NEK1: variants seen among roughly 807,000 people sequenced by gnomAD.
NEK1 encodes NIMA related kinase 1.
NEK1 carries 137 observed loss-of-function variants against 182.1 expected under a neutral mutation model. The ratio of observed to expected loss-of-function variants is 0.75; its 90% CI spans 0.65 to 0.87. NEK1 has a LOEUF of 0.87. Ranked by LOEUF, NEK1 falls within the 40% of genes least tolerant of loss-of-function variation. NEK1 has a pLI of 0.00. For synonymous variants in NEK1, 513 were observed against 492.2 expected (o/e 1.04, Z -0.56); for missense variants, 1,391 against 1,494.4 (o/e 0.93, Z 1.14).
At chr4:169,551,728 A>C (rs1761450621) in intron 18 of NEK1, among the ~76,000 whole-genome samples, 1 of 152,120 alleles carries the variant, frequency 6.6e-6, no homozygotes, top group African/African-American at 2.4e-5. Flanking sequence ...CCTGTTTCCT[A>C]ACACTCTCCT....
In NEK1 at chr4:169,507,067, A is replaced by AT. The variant is rs1753397605; in HGVS notation, c.1976dup (p.Tyr659Ter). The stretch of plus-strand genomic sequence containing the variant: ...CTTCCCACACTTTTTTTTCTCTCTC[A>AT]TAAGCCTCCTTTCTCTTTCGTTCTA... ...EQLERKRKEA[Y>*]EREKKVWEEH... Residue 659 changes from tyrosine to a stop codon, truncating the protein, a stop_gained and frameshift_variant, in exon 23 of 36, where the codon TAT becomes TAAT. Transcript: ENST00000507142. LOFTEE classifies it high-confidence loss of function. 1.2e-6 allele frequency: 2 copies of AT among 1,609,678 alleles called. No individual in the cohort carries two copies. Among genetic ancestry groups the AT allele is most frequent in the Non-Finnish European group, 1.7e-6 (2 of 1,178,018 alleles).
At chr4:169,506,935 G>GA (rs11335571) in intron 23 of NEK1, 102 bp downstream of exon 23, 7,467 of 584,882 alleles carry the variant, frequency 0.013, no homozygotes, top group South Asian at 0.018. Context: ...TGAAAAAACA[G>GA]AAAAAAAAAA....
At chr4:169,453,763 G>A (rs1030417641) in intron 27 of NEK1, among the ~76,000 whole-genome samples, 1 of 152,202 alleles carries the variant, frequency 6.6e-6, no homozygotes, top group Non-Finnish European at 1.5e-5. Flanking sequence ...CAATGCTAAT[G>A]ACTGGCTTAC....
intron 26 of NEK1, among the ~76,000 whole-genome samples, chr4:169,463,885 G>C (rs1744442850): frequency 6.6e-6 from 1 of 152,038 alleles, no homozygotes; most frequent in Non-Finnish European, 1.5e-5. Context: ...CTCCCACCTT[G>C]GCTTCCCAAA....
chr4:169,526,930 T>C lies in NEK1; in HGVS notation c.1665+10879A>G, dbSNP rs1756975617. Among the ~76,000 whole-genome samples, 3 of 152,180 alleles carry C rather than the reference T, an allele frequency of 2.0e-5. No homozygotes were observed. The South Asian group carries it at 6.2e-4, about 31-fold the overall frequency. ...AATAATGGCTTAAAACATGACAAGT[T>C]TGGTGTAATCCATAACCTTGTAAAT... On this transcript the variant is annotated intron_variant, in intron 19 of 35. Transcript: ENST00000507142.
chr4:169,476,652 A>G (rs754732549), intron 26 of NEK1, among the ~76,000 whole-genome samples: 1 of 152,096 alleles, frequency 6.6e-6, no homozygotes, highest in African/African-American at 2.4e-5. Context: ...TTTTGTTCCT[A>G]TATCTCCAAT....
chr4:169,476,249 T>A (rs1190260957), intron 26 of NEK1, among the ~76,000 whole-genome samples: 1 of 152,020 alleles, frequency 6.6e-6, no homozygotes, highest in African/African-American at 2.4e-5. Context: ...GGGAGGTGAC[T>A]GGATCATGGG....
intron 26 of NEK1, among the ~76,000 whole-genome samples, chr4:169,475,757 A>G (rs1296339373): frequency 6.6e-6 from 1 of 152,162 alleles, no homozygotes; most frequent in African/African-American, 2.4e-5. Context: ...CATGGCAGAT[A>G]GAAAAACAAC....
chr4:169,563,369 AAAAAT>A (rs1444570314), intron 12 of NEK1, among the ~76,000 whole-genome samples: 3 of 150,698 alleles, frequency 2.0e-5, no homozygotes, highest in Non-Finnish European at 4.4e-5. Context: ...AAAAAAAAAT[AAAAAT>A]AAAAAAATCA....
intron 29 of NEK1, among the ~76,000 whole-genome samples, chr4:169,426,645 A>G (rs1407099049): frequency 6.6e-6 from 1 of 152,250 alleles, no homozygotes; most frequent in African/African-American, 2.4e-5. Context: ...TTTGAGAACC[A>G]CTACTTTAAA....
intron 31 of NEK1, among the ~76,000 whole-genome samples, chr4:169,413,226 G>A (rs979424178): frequency 5.3e-5 from 8 of 151,532 alleles, no homozygotes; most frequent in East Asian, 3.9e-4. Context: ...GGAGCGTGAC[G>A]GCATGAACAC....
At chr4:169,565,322 A>G (rs949217329) in intron 12 of NEK1, among the ~76,000 whole-genome samples, 1 of 152,186 alleles carries the variant, frequency 6.6e-6, no homozygotes, top group Non-Finnish European at 1.5e-5. Context: ...GCTACTTTCT[A>G]TCACTTGAAA....
intron 23 of NEK1, among the ~76,000 whole-genome samples, chr4:169,483,324 T>C (rs1748438184): frequency 1.3e-5 from 2 of 152,246 alleles, no homozygotes; most frequent in South Asian, 4.1e-4. Flanking sequence ...TGAAAAAGTT[T>C]GAAATATGGC....
At chr4:169,510,751 T>C (rs532116233) in intron 19 of NEK1, among the ~76,000 whole-genome samples, 1 of 152,312 alleles carries the variant, frequency 6.6e-6, no homozygotes, top group African/African-American at 2.4e-5. Flanking sequence ...TCTCTGCCAC[T>C]GCTCAGTCAT....
chr4:169,581,248 A>C (rs1766607797), intron 10 of NEK1, among the ~76,000 whole-genome samples: 1 of 151,890 alleles, frequency 6.6e-6, no homozygotes. Flanking sequence ...ACTCCCTCCC[A>C]ATCTTATTTA....
At chr4:169,447,969 G>C (rs1476006073) in intron 27 of NEK1, among the ~76,000 whole-genome samples, 1 of 152,022 alleles carries the variant, frequency 6.6e-6, no homozygotes, top group Non-Finnish European at 1.5e-5. Flanking sequence ...AGGATTGCTG[G>C]AACCCAGGAA....
chr4:169,596,846 T>C (rs1172345497), intron 5 of NEK1, among the ~76,000 whole-genome samples: 1 of 152,222 alleles, frequency 6.6e-6, no homozygotes, highest in African/African-American at 2.4e-5. Flanking sequence ...GAACTTGCTA[T>C]TCAGAAGGGT....
At chr4:169,467,571 CAA>C (rs1237886048) in intron 26 of NEK1, among the ~76,000 whole-genome samples, 1 of 151,906 alleles carries the variant, frequency 6.6e-6, no homozygotes, top group African/African-American at 2.4e-5. Flanking sequence ...ATGAGGCAAA[CAA>C]AAAACAAATA....
intron 5 of NEK1, among the ~76,000 whole-genome samples, chr4:169,598,355 GATA>G (rs1220048821): frequency 1.3e-5 from 2 of 151,958 alleles, no homozygotes; most frequent in African/African-American, 2.4e-5. Context: ...AAGAACTGGT[GATA>G]ATGAGAAATG....
Sources: allele counts gnomAD v4.1 joint callset (sites outside exome capture counted in the v4.1 genomes callset), GRCh38; gene constraint gnomAD v4.1.1; transcripts MANE v1.5; gene names NCBI Gene and HGNC (gene_info 2026-07-23, HGNC 2026-07-21).